The following KCTD1 variants were observed in gnomAD, a reference collection of about 807,000 sequenced individuals.
The protein encoded by KCTD1 is BTB/POZ domain-containing protein KCTD1.
KCTD1 carries 24 observed loss-of-function variants against 66.0 expected under a neutral mutation model. That is an observed-to-expected ratio of 0.36 (90% CI 0.26 to 0.51). KCTD1 has a LOEUF of 0.51. Ranked by LOEUF, KCTD1 falls within the 20% of genes least tolerant of loss-of-function variation. The probability of loss-of-function intolerance (pLI) is 0.95; values close to 1 mark genes in which losing one functional copy is unlikely to be tolerated. For missense variants in KCTD1, 943 were observed against 1,205.2 expected (o/e 0.78, Z 3.22); for synonymous variants, 511 against 517.2 (o/e 0.99, Z 0.16).
chr18:26,644,474 C>T (rs1987894388), upstream of KCTD1, among the ~76,000 whole-genome samples: 1 of 151,836 alleles, frequency 6.6e-6, no homozygotes, highest in African/African-American at 2.4e-5. Flanking sequence ...AAAGAGGAAG[C>T]AGGGGGCAGG....
At chr18:26,472,855 G>A (rs1327654842) in intron 3 of KCTD1, among the ~76,000 whole-genome samples, 1 of 152,222 alleles carries the variant, frequency 6.6e-6, no homozygotes, top group Non-Finnish European at 1.5e-5. Context: ...TGCAGCTGCT[G>A]TGGGAAGCTG....
At chr18:26,607,162 G>A (rs979701145) in intron 1 of KCTD1, among the ~76,000 whole-genome samples, 1 of 152,138 alleles carries the variant, frequency 6.6e-6, no homozygotes, top group South Asian at 2.1e-4. Flanking sequence ...AGCCTCCTCA[G>A]TAGCTGAGAC....
rs2144719644 is a variant in KCTD1 at position 26,512,862 on chromosome 18, T to A, written c.1810-11612A>T. ...CGGGTGTGGTGGTGCATGCCTGTAG[T>A]CCCAGCTACTCGGGAGGCTGAGGCA... On this transcript the variant is annotated intron_variant, in intron 1 of 4. Coordinates refer to ENST00000580059, the MANE Select transcript of KCTD1 (RefSeq NM_001142730.3). Among the ~76,000 whole-genome samples, 4 of 152,102 alleles carry A rather than the reference T, an allele frequency of 2.6e-5. No individual in the cohort carries two copies. In the Middle Eastern group the frequency reaches 0.01, roughly 388 times the overall value.
chr18:26,576,544 G>A (rs1986230042), intron 1 of KCTD1, among the ~76,000 whole-genome samples: 1 of 152,058 alleles, frequency 6.6e-6, no homozygotes, highest in Non-Finnish European at 1.5e-5. Context: ...GTTCCTAGCA[G>A]CCATTTCGAA....
At chr18:26,491,764 G>A (rs1279098554) in intron 2 of KCTD1, among the ~76,000 whole-genome samples, 2 of 152,164 alleles carry the variant, frequency 1.3e-5, no homozygotes, top group African/African-American at 2.4e-5. Flanking sequence ...CCTTGGCTAG[G>A]GAATAAGGTG....
In KCTD1 at chr18:26,535,521, T is replaced by A. The variant is rs143358513; in HGVS notation, c.1809+11207A>T. ...ACTGTAGCTTTCAGCCACTGATGTC[T>A]CGGGTGTACACTGACATTTGGAAGA... On this transcript the variant is annotated intron_variant, in intron 1 of 4. Coordinates refer to ENST00000580059, the MANE Select transcript of KCTD1 (RefSeq NM_001142730.3). Among the ~76,000 whole-genome samples, 97 of 152,108 alleles carry A rather than the reference T, an allele frequency of 6.4e-4. 1 individual carries two copies. The East Asian group carries it at 0.016, about 26-fold the overall frequency.
chr18:26,593,270 G>A (rs1986652511), intron 1 of KCTD1, among the ~76,000 whole-genome samples: 1 of 151,890 alleles, frequency 6.6e-6, no homozygotes, highest in African/African-American at 2.4e-5. Flanking sequence ...GGGAGGAGGA[G>A]GAGGAAGACA....
At chr18:26,628,620 CT>C (rs1491404254) in intron 1 of KCTD1, among the ~76,000 whole-genome samples, 1 of 152,028 alleles carries the variant, frequency 6.6e-6, no homozygotes, top group Non-Finnish European at 1.5e-5. Flanking sequence ...TGAAATCCCC[CT>C]TTTTTTGCCC....
chr18:26,487,008 G>A (rs1018951204), intron 2 of KCTD1, among the ~76,000 whole-genome samples: 1 of 152,086 alleles, frequency 6.6e-6, no homozygotes, highest in Non-Finnish European at 1.5e-5. Flanking sequence ...AATACATTTT[G>A]GACACCTAAC....
upstream of KCTD1, chr18:26,549,559 C>T: frequency 1.3e-6 from 1 of 778,286 alleles, no homozygotes; most frequent in Non-Finnish European, 1.6e-6. Context: ...AGGGCGCCGC[C>T]CTCCCTGCCC....
chr18:26,583,424 G>GA (rs1274323171), intron 1 of KCTD1, among the ~76,000 whole-genome samples: 2 of 136,316 alleles, frequency 1.5e-5, no homozygotes, highest in South Asian at 4.7e-4. Context: ...AAAAGAAAAA[G>GA]AAAAGAAAAG....
intron 1 of KCTD1, among the ~76,000 whole-genome samples, chr18:26,559,386 G>A (rs1469237519): frequency 6.6e-6 from 1 of 152,118 alleles, no homozygotes; most frequent in East Asian, 1.9e-4. Flanking sequence ...CACCTACTAT[G>A]TACCCACAAA....
intron 1 of KCTD1, among the ~76,000 whole-genome samples, chr18:26,635,516 C>T (rs1263489524): frequency 3.9e-5 from 6 of 152,290 alleles, no homozygotes; most frequent in South Asian, 2.1e-4. Flanking sequence ...GAATGGCAGC[C>T]GCAGGAGCCT....
chr18:26,544,557 A>T (rs1343663073), intron 1 of KCTD1: 1 of 152,224 alleles, frequency 6.6e-6, no homozygotes, highest in Admixed American at 6.5e-5. Context: ...ATTAAGTAAT[A>T]ATGACTGAAG....
intron 2 of KCTD1, among the ~76,000 whole-genome samples, chr18:26,482,631 C>T (rs75896996): frequency 6.6e-6 from 1 of 152,158 alleles, no homozygotes; most frequent in Admixed American, 6.5e-5. Context: ...CTGTACCCCC[C>T]ACCCTTCCCA....
intron 3 of KCTD1, among the ~76,000 whole-genome samples, chr18:26,463,986 G>A (rs1223706479): frequency 6.6e-6 from 1 of 152,174 alleles, no homozygotes; most frequent in Non-Finnish European, 1.5e-5. Flanking sequence ...ACTCCAAAAT[G>A]CAAACAGGCC....
chr18:26,629,073 G>T, intron 1 of KCTD1: 2 of 602,234 alleles, frequency 3.3e-6, no homozygotes, highest in Non-Finnish European at 4.2e-6. Flanking sequence ...TGCTGGAGTT[G>T]TCTTTCTGGC....
chr18:26,502,194 C>T (rs1486396576), intron 1 of KCTD1, among the ~76,000 whole-genome samples: 1 of 152,186 alleles, frequency 6.6e-6, no homozygotes, highest in Admixed American at 6.5e-5. Flanking sequence ...GGACTACAGG[C>T]GTCCGCCACC....
chr18:26,618,592 T>C lies in KCTD1; in HGVS notation c.-16+10555A>G, dbSNP rs1336152755. Among the ~76,000 whole-genome samples, 5 of 152,344 alleles carry C rather than the reference T, an allele frequency of 3.3e-5. No individual in the cohort carries two copies. The East Asian group carries it at 9.6e-4, about 29-fold the overall frequency. On this transcript the variant is annotated intron_variant, in intron 1 of 4. Coordinates refer to the KCTD1 transcript ENST00000317932. ...AGGAAGGACCTTAAGGCAAGACTGT[T>C]TCAAGATTGACTCTGTGGGCCAATT... is the stretch of plus-strand genomic sequence containing the variant.
Sources: allele counts gnomAD v4.1 joint callset (sites outside exome capture counted in the v4.1 genomes callset), GRCh38; gene constraint gnomAD v4.1.1; transcripts MANE v1.5; gene names NCBI Gene and HGNC (gene_info 2026-07-23, HGNC 2026-07-21).